PAX7: variants seen among roughly 807,000 people sequenced by gnomAD.
PAX7 encodes paired box protein Pax-7.
PAX7 carries 18 observed loss-of-function variants against 50.7 expected under a neutral mutation model. The ratio of observed to expected loss-of-function variants is 0.36; its 90% CI spans 0.25 to 0.53. PAX7 has a LOEUF of 0.53. Among genes scored for constraint, PAX7 ranks in the 20% least tolerant of loss-of-function variants. PAX7 has a pLI of 0.93. For synonymous variants in PAX7, 310 were observed against 290.4 expected, an observed-to-expected ratio of 1.07 and a Z score of -0.69; for missense variants, 644 against 702.9, an observed-to-expected ratio of 0.92 and a Z score of 0.95.
chr1:18,663,379 T>G (rs1306921628), intron 4 of PAX7, among the ~76,000 whole-genome samples: 1 of 152,202 alleles, frequency 6.6e-6, no homozygotes, highest in Non-Finnish European at 1.5e-5. Context: ...GGGTTTGTTT[T>G]GTTTTGTTCT....
intron 7 of PAX7, among the ~76,000 whole-genome samples, chr1:18,712,564 G>GT (rs2089367093): frequency 2.0e-5 from 3 of 152,220 alleles, no homozygotes; most frequent in Admixed American, 1.3e-4. Flanking sequence ...GCTGAGGGGA[G>GT]TGGAGCATGC....
intron 7 of PAX7, among the ~76,000 whole-genome samples, chr1:18,708,877 G>C (rs988182820): frequency 6.6e-6 from 1 of 152,152 alleles, no homozygotes; most frequent in Non-Finnish European, 1.5e-5. Flanking sequence ...TCTTGGAACA[G>C]AGCTCCAAGA....
intron 7 of PAX7, among the ~76,000 whole-genome samples, chr1:18,732,286 A>T (rs1368368850): frequency 6.6e-6 from 1 of 152,146 alleles, no homozygotes; most frequent in African/African-American, 2.4e-5. Flanking sequence ...GGCATTTTTC[A>T]TGGCTGTGTC....
rs938139880 is a variant in PAX7, at chr1:18,631,402, A to AC, written c.-196dup. ...CTCCCCCCAACCTCCACCCCACCTC[A>AC]CCCCCCTCCCCAGCTTCTGGACGCG... On this transcript the variant is annotated 5_prime_UTR_variant, in exon 1 of 9. Coordinates refer to ENST00000420770, the MANE Select transcript of PAX7 (RefSeq NM_001135254.2). The AC allele has an allele frequency of 2.1e-5, 12 of 573,466 alleles. No homozygotes were observed. Among genetic ancestry groups the AC allele is most frequent in the Non-Finnish European group, 3.1e-5 (10 of 318,998 alleles). 35.5% of individuals were successfully genotyped at this position (573,466 alleles called of 1,614,324 possible). A position where few individuals can be genotyped will look rare whatever the true frequency, so the allele number is the denominator to read the frequency against.
At chr1:18,730,417 G>C (rs574785241) in intron 7 of PAX7, among the ~76,000 whole-genome samples, 13 of 151,892 alleles carry the variant, frequency 8.6e-5, no homozygotes, top group Non-Finnish European at 1.8e-4. Flanking sequence ...GTGTCCTGCC[G>C]ATGGTCCCTG....
At position 18,632,708 on chromosome 1, in the gene PAX7, G is replaced by A. The variant is rs1427152351; in HGVS notation, c.85+1020G>A. 1.3e-5 allele frequency among the ~76,000 whole-genome samples: 2 copies of A among 150,774 alleles called. No homozygotes were observed. Among genetic ancestry groups the A allele is most frequent in the African/African-American group, 2.4e-5 (1 of 40,986 alleles). On this transcript the variant is annotated intron_variant, in intron 1 of 8. Transcript: ENST00000420770. This position sits in a 1 kb window ranked among gnomAD's most constrained non-coding sequence, Gnocchi z 6.3. Reference sequence around the variant, plus strand: ...CCCTGGCGCGTGAGGAAGGGGAGAGGAGGCAGGGAGGGGGTGGGTGGGCTG... The same window carrying A: ...CCCTGGCGCGTGAGGAAGGGGAGAGAAGGCAGGGAGGGGGTGGGTGGGCTG...
At chr1:18,670,841 G>A (rs984077264) in intron 4 of PAX7, among the ~76,000 whole-genome samples, 2 of 152,162 alleles carry the variant, frequency 1.3e-5, no homozygotes, top group African/African-American at 4.8e-5. Context: ...CAAAGGCAGG[G>A]CTGGAGACGC....
At chr1:18,655,200 C>T (rs567727224) in intron 4 of PAX7, among the ~76,000 whole-genome samples, 3 of 152,282 alleles carry the variant, frequency 2.0e-5, no homozygotes, top group South Asian at 2.1e-4. Context: ...TTCCAGGGGC[C>T]AGAAGCTGGT....
At chr1:18,677,224 G>A (rs1425142280) in intron 4 of PAX7, among the ~76,000 whole-genome samples, 2 of 152,214 alleles carry the variant, frequency 1.3e-5, no homozygotes, top group African/African-American at 4.8e-5. Context: ...CTGTTTCATA[G>A]GGTGGGCTTC....
At chr1:18,647,993 G>A (rs906725328) in intron 4 of PAX7, among the ~76,000 whole-genome samples, 10 of 152,220 alleles carry the variant, frequency 6.6e-5, no homozygotes, top group Non-Finnish European at 1.3e-4. Context: ...GCCAGTTCCT[G>A]GAGCCCAGTA....
intron 6 of PAX7, among the ~76,000 whole-genome samples, chr1:18,701,179 G>A (rs1462738498): frequency 6.6e-6 from 1 of 152,218 alleles, no homozygotes; most frequent in Admixed American, 6.5e-5. Context: ...TTTGAGCAGC[G>A]AGGATTTGGA....
At chr1:18,696,105 G>A (rs12563020) in intron 5 of PAX7, among the ~76,000 whole-genome samples, 8,430 of 133,076 alleles carry the variant, frequency 0.063, 417 homozygotes, top group East Asian at 0.27. Flanking sequence ...TTCACTCATC[G>A]CCCAGGCTGG....
chr1:18,725,997 C>CGCGCGTGCGCGTGTGTGTGT (rs2089564021), intron 7 of PAX7, among the ~76,000 whole-genome samples: 1 of 134,740 alleles, frequency 7.4e-6, no homozygotes, highest in African/African-American at 2.7e-5. Context: ...TGTGTGTGCG[C>CGCGCGTGCGCGTGTGTGTGT]GCGCGCGCGT....
At chr1:18,665,362 CT>C (rs1298312183) in intron 4 of PAX7, among the ~76,000 whole-genome samples, 3 of 151,782 alleles carry the variant, frequency 2.0e-5, no homozygotes, top group Admixed American at 6.6e-5. Flanking sequence ...GGTGGCATTG[CT>C]TTTTTTTCCT....
intron 4 of PAX7, among the ~76,000 whole-genome samples, chr1:18,642,010 G>A (rs2088264131): frequency 1.4e-5 from 2 of 147,930 alleles, no homozygotes; most frequent in Non-Finnish European, 1.5e-5. Context: ...AATTTTCAGT[G>A]GAATTTACAT....
intron 8 of PAX7, 133 bp downstream of exon 8, chr1:18,736,011 AG>A: frequency 6.3e-7 from 1 of 1,594,650 alleles, no homozygotes. Context: ...GAAAAATTGA[AG>A]TCCAGCCAGA....
chr1:18,635,681 G>A (rs1356254879), intron 3 of PAX7, among the ~76,000 whole-genome samples: 2 of 152,106 alleles, frequency 1.3e-5, no homozygotes, highest in East Asian at 3.9e-4. Flanking sequence ...GAGGGTGGAT[G>A]CCCATGGGCT....
intron 4 of PAX7, among the ~76,000 whole-genome samples, chr1:18,682,914 C>T (rs577783227): frequency 6.6e-6 from 1 of 152,180 alleles, no homozygotes; most frequent in Non-Finnish European, 1.5e-5. Context: ...TACCCTCACT[C>T]AATCCCCTTC....
At chr1:18,653,906 G>A (rs180745521) in intron 4 of PAX7, among the ~76,000 whole-genome samples, 7 of 152,222 alleles carry the variant, frequency 4.6e-5, no homozygotes, top group Non-Finnish European at 5.9e-5. Flanking sequence ...CGTCGGTCAT[G>A]GGGCCTGGCA....
Sources: allele counts gnomAD v4.1 joint callset (sites outside exome capture counted in the v4.1 genomes callset), GRCh38; gene constraint gnomAD v4.1.1; non-coding constraint Gnocchi (gnomAD v3.1); transcripts MANE v1.5; gene names NCBI Gene and HGNC (gene_info 2026-07-23, HGNC 2026-07-21).